Variants in LRRC1 observed in about 807,000 individuals in gnomAD.
LRRC1 encodes the protein leucine rich repeat containing 1.
Under a neutral mutation model 69.9 loss-of-function variants are expected in LRRC1, and 28 were observed. That is an observed-to-expected ratio of 0.40 (90% CI 0.30 to 0.55). LRRC1 has a LOEUF of 0.55. Ranked by LOEUF, LRRC1 falls within the 20% of genes least tolerant of loss-of-function variation. The probability of loss-of-function intolerance (pLI) is 0.47; values close to 1 mark genes in which losing one functional copy is unlikely to be tolerated. For missense variants in LRRC1, 498 were observed against 609.0 expected (o/e 0.82, Z 1.92); for synonymous variants, 236 against 240.2 (o/e 0.98, Z 0.16).
intron 1 of LRRC1, among the ~76,000 whole-genome samples, chr6:53,837,100 T>G (rs1436497532): frequency 1.3e-5 from 2 of 152,332 alleles, no homozygotes; most frequent in Non-Finnish European, 2.9e-5. Flanking sequence ...TAATGTATAA[T>G]ACCTCTATCA....
chr6:53,875,485 G>GT lies in LRRC1; in HGVS notation c.278-3507dup, dbSNP rs1011290987. Among the ~76,000 whole-genome samples the GT allele has an allele frequency of 2.3e-4, 35 of 151,344 alleles. 1 individual carries two copies. Among genetic ancestry groups the GT allele is most frequent in the Admixed American group, 2.6e-4 (4 of 15,242 alleles). ...GTGTGCACACGTGTGTGTGTGACAA[G>GT]TAAAAAAAAAAATCACAATAAAAGA... On this transcript the variant is annotated intron_variant, in intron 2 of 13. Coordinates refer to ENST00000370888, the MANE Select transcript of LRRC1 (RefSeq NM_018214.5).
At chr6:53,893,981 T>C (rs1767787836) in intron 4 of LRRC1, among the ~76,000 whole-genome samples, 1 of 152,260 alleles carries the variant, frequency 6.6e-6, no homozygotes, top group African/African-American at 2.4e-5. Context: ...TTTTAAAATG[T>C]GTATCACATT....
intron 1 of LRRC1, among the ~76,000 whole-genome samples, chr6:53,821,994 CAGT>C (rs1458929224): frequency 6.7e-6 from 1 of 150,076 alleles, no homozygotes; most frequent in African/African-American, 2.5e-5. Flanking sequence ...TAGGCATTGT[CAGT>C]GGTGATTTTG....
chr6:53,820,316 C>T (rs1581852351), intron 1 of LRRC1, among the ~76,000 whole-genome samples: 1 of 151,240 alleles, frequency 6.6e-6, no homozygotes, highest in East Asian at 1.9e-4. Context: ...CTTCCATCCC[C>T]ATATGCTTTC....
intron 2 of LRRC1, among the ~76,000 whole-genome samples, chr6:53,850,584 C>G (rs1034603213): frequency 1.3e-5 from 2 of 152,204 alleles, no homozygotes; most frequent in Admixed American, 1.3e-4. Context: ...TATGAATTGT[C>G]ATGGGATTCT....
At chr6:53,913,037 A>AT (rs1276056084) in intron 10 of LRRC1, among the ~76,000 whole-genome samples, 1 of 152,132 alleles carries the variant, frequency 6.6e-6, no homozygotes, top group East Asian at 1.9e-4. Flanking sequence ...GAATCATTGG[A>AT]TTTTTTTGTG....
At chr6:53,820,015 A>G (rs1765072850) in intron 1 of LRRC1, among the ~76,000 whole-genome samples, 1 of 152,212 alleles carries the variant, frequency 6.6e-6, no homozygotes, top group Non-Finnish European at 1.5e-5. Context: ...CCTTTGGGCC[A>G]GGTCTCCATG....
intron 4 of LRRC1, among the ~76,000 whole-genome samples, chr6:53,886,841 C>T (rs950110144): frequency 6.6e-6 from 1 of 152,188 alleles, no homozygotes; most frequent in Non-Finnish European, 1.5e-5. Context: ...AGTCCTTTGT[C>T]TTTACACAGA....
intron 2 of LRRC1, among the ~76,000 whole-genome samples, chr6:53,861,039 G>A (rs1344934896): frequency 6.6e-6 from 1 of 152,070 alleles, no homozygotes; most frequent in East Asian, 1.9e-4. Context: ...TAGGGTGACG[G>A]GTGAGAGAAG....
chr6:53,802,812 C>G (rs1764523971), intron 1 of LRRC1, among the ~76,000 whole-genome samples: 2 of 152,274 alleles, frequency 1.3e-5, no homozygotes, highest in Middle Eastern at 6.8e-3. Flanking sequence ...CTTTCAAAGA[C>G]AAATACTTGG....
intron 2 of LRRC1, among the ~76,000 whole-genome samples, chr6:53,863,632 T>G (rs1236496216): frequency 6.6e-6 from 1 of 152,192 alleles, no homozygotes; most frequent in African/African-American, 2.4e-5. Context: ...AGAATGAACT[T>G]TCCCTTGACC....
chr6:53,879,113 A>G, intron 3 of LRRC1, 42 bp downstream of exon 3: 1 of 1,405,186 alleles, frequency 7.1e-7, no homozygotes, highest in Middle Eastern at 1.8e-4. Flanking sequence ...TAGTAAGAGT[A>G]TCTTTTTTGA....
intron 9 of LRRC1, 140 bp from the exon 10 acceptor site, chr6:53,904,239 A>G: frequency 3.5e-6 from 2 of 564,488 alleles, no homozygotes; most frequent in Non-Finnish European, 3.2e-6. Flanking sequence ...GGAACATTAC[A>G]AATATCTGAT....
At chr6:53,822,577 G>A (rs1001727261) in intron 1 of LRRC1, among the ~76,000 whole-genome samples, 1 of 152,184 alleles carries the variant, frequency 6.6e-6, no homozygotes, top group African/African-American at 2.4e-5. Context: ...TAGTTGCTGG[G>A]CTTTAGGCCA....
At chr6:53,862,230 T>C (rs1180816725) in intron 2 of LRRC1, among the ~76,000 whole-genome samples, 2 of 152,144 alleles carry the variant, frequency 1.3e-5, no homozygotes, top group East Asian at 1.9e-4. Flanking sequence ...ACAACTTTTT[T>C]CCCCTCATTT....
rs115000889 is a variant in LRRC1, at chr6:53,906,936, A to T, written c.990+2474A>T. On this transcript the variant is annotated intron_variant, in intron 10 of 13. Coordinates refer to ENST00000370888, the MANE Select transcript of LRRC1 (RefSeq NM_018214.5). ...CAGCGTAGGAAAATGTGCTGAGCAC[A>T]TGTCTCCAATTCTCCCTCGGATCAC... 5.0e-3 allele frequency among the ~76,000 whole-genome samples: 766 copies of T among 152,352 alleles called. 9 individuals are homozygous for T. Among genetic ancestry groups the T allele is most frequent in the African/African-American group, 0.018 (733 of 41,576 alleles).
intron 1 of LRRC1, among the ~76,000 whole-genome samples, chr6:53,829,605 A>T (rs1337905105): frequency 6.6e-6 from 1 of 152,154 alleles, no homozygotes; most frequent in Non-Finnish European, 1.5e-5. Context: ...GGTTGGTGCT[A>T]ATGATACGAC....
chr6:53,797,124 A>G (rs1289496636), intron 1 of LRRC1, among the ~76,000 whole-genome samples: 1 of 151,436 alleles, frequency 6.6e-6, no homozygotes, highest in Non-Finnish European at 1.5e-5. Context: ...GTTTTCCTGT[A>G]ATGTTGGGGA....
At chr6:53,872,491 T>C (rs570582261) in intron 2 of LRRC1, among the ~76,000 whole-genome samples, 2 of 152,330 alleles carry the variant, frequency 1.3e-5, no homozygotes, top group East Asian at 3.9e-4. Context: ...CTTTGTAGTA[T>C]GGTAATTTAC....
Sources: allele counts gnomAD v4.1 joint callset (sites outside exome capture counted in the v4.1 genomes callset), GRCh38; gene constraint gnomAD v4.1.1; transcripts MANE v1.5; gene names NCBI Gene and HGNC (gene_info 2026-07-23, HGNC 2026-07-21).